GREB1: variants seen among roughly 807,000 people sequenced by gnomAD.
GREB1 encodes protein GREB1.
In GREB1, 106 loss-of-function variants were observed where a neutral mutation model predicts 200.7. The ratio of observed to expected loss-of-function variants is 0.53; its 90% CI spans 0.45 to 0.62. The LOEUF (loss-of-function observed/expected upper bound fraction) is 0.62, where lower values mean the gene tolerates loss of function less well. GREB1 is among the 20% of genes least tolerant of loss of function. GREB1 has a pLI of 0.00. For synonymous variants in GREB1, 1,132 were observed against 1,092.4 expected (o/e 1.04, Z -0.72); for missense variants, 2,243 against 2,556.8 (o/e 0.88, Z 2.65).
At chr2:11,565,436 C>A (rs1424931474) in intron 3 of GREB1, among the ~76,000 whole-genome samples, 1 of 152,168 alleles carries the variant, frequency 6.6e-6, no homozygotes, top group Non-Finnish European at 1.5e-5. Context: ...TCATGACCTC[C>A]TGTAGAGCTC....
intron 21 of GREB1, 84 bp downstream of exon 21, chr2:11,616,804 A>G (rs1021036197): frequency 6.3e-6 from 5 of 796,468 alleles, no homozygotes; most frequent in Admixed American, 4.0e-5. Flanking sequence ...ATAGAGGGCT[A>G]TTTGCTGATC....
Position 11,587,410 on chromosome 2 carries a change from A to G in GREB1, c.1160-1336A>G, listed in dbSNP as rs776449133. 3.7e-6 allele frequency: 6 copies of G among 1,613,900 alleles called. No homozygotes were observed. The East Asian group carries it at 1.3e-4, about 36-fold the overall frequency. The stretch of plus-strand genomic sequence containing the variant: ...TTGTAAATGGTGCTACCCAAATGGT[A>G]GCCCTTGGTCCGGCAGAACCTGCAT... On this transcript the variant is annotated intron_variant, in intron 9 of 32. Transcript: ENST00000381486.
At chr2:11,488,235 G>T (rs897460556) in intron 1 of GREB1, among the ~76,000 whole-genome samples, 1 of 152,086 alleles carries the variant, frequency 6.6e-6, no homozygotes. Flanking sequence ...GTGGTTTAAC[G>T]AGCCTCTCCA....
chr2:11,538,773 TTCCCG>T (rs752349707), intron 1 of GREB1, among the ~76,000 whole-genome samples: 5,104 of 33,410 alleles, frequency 0.15, 976 homozygotes, highest in Non-Finnish European at 0.18. Context: ...CCTTCCTTCC[TTCCCG>T]TCTTCCTTCC....
chr2:11,554,560 AGTTT>A (rs1676248307), intron 1 of GREB1, among the ~76,000 whole-genome samples: 1 of 152,184 alleles, frequency 6.6e-6, no homozygotes, highest in Non-Finnish European at 1.5e-5. Flanking sequence ...CGATGAAGCC[AGTTT>A]CATAACTGGT....
Position 11,514,886 on chromosome 2 carries a change from A to C in GREB1, c.-159+32505A>C, listed in dbSNP as rs1286636579. ...GTGCTTAGTGCTGTGCTTGGCACAG[A>C]GTGGGCACTTAAGAGCTATTAGTTG... is the stretch of plus-strand genomic sequence containing the variant. On this transcript the variant is annotated intron_variant, in intron 1 of 2. Coordinates refer to the GREB1 transcript ENST00000628795. 4.6e-5 allele frequency among the ~76,000 whole-genome samples: 7 copies of C among 152,232 alleles called. No homozygotes were observed. The East Asian group carries it at 1.2e-3, about 25-fold the overall frequency.
intron 1 of GREB1, among the ~76,000 whole-genome samples, chr2:11,496,194 A>G (rs571063199): frequency 1.4e-4 from 22 of 152,162 alleles, no homozygotes; most frequent in Admixed American, 5.2e-4. Context: ...CTCTGTGGAG[A>G]TCAGGCACCG....
At chr2:11,491,101 TG>T (rs906622528) in intron 1 of GREB1, among the ~76,000 whole-genome samples, 34 of 152,200 alleles carry the variant, frequency 2.2e-4, no homozygotes, top group Admixed American at 1.3e-4. Flanking sequence ...GGTCTCTCAC[TG>T]GGGCTCTGAT....
intron 2 of GREB1, among the ~76,000 whole-genome samples, chr2:11,558,741 G>A (rs183601361): frequency 2.5e-4 from 38 of 152,248 alleles, no homozygotes; most frequent in Non-Finnish European, 4.0e-4. Flanking sequence ...GCCACATCTC[G>A]TAGTGTCTGT....
In GREB1 at chr2:11,580,774, G is replaced by A. The variant is rs16857665; in HGVS notation, c.843G>A (p.Pro281=). 6,250 of 1,614,142 alleles carry A rather than the reference G, an allele frequency of 3.9e-3. 185 individuals are homozygous for A. In the African/African-American group the frequency reaches 0.071, roughly 18 times the overall value. ...GPAVFNGKDS[P]KCQQLAKNNL... ...CTGTTTTCAACGGCAAAGATTCCCC[G>A]AAGTGCCAACAACTGGCAAAGAATA... Residue 281 remains proline (P), a synonymous_variant, in exon 7 of 33, where the codon CCG becomes CCA. Transcript: ENST00000381486. The surrounding 1 kb of genome is among the most constrained non-coding windows in gnomAD (Gnocchi z 4.5).
intron 9 of GREB1, 105 bp from the exon 10 acceptor site, chr2:11,588,641 A>G (rs529734897): frequency 9.7e-7 from 1 of 1,032,650 alleles, no homozygotes; most frequent in Admixed American, 1.7e-5. Flanking sequence ...GACCTGGCGC[A>G]GCTCACCTAT....
Position 11,510,571 on chromosome 2 carries a change from G to T in GREB1, c.-159+28190G>T, listed in dbSNP as rs189417577. 3.0e-3 allele frequency among the ~76,000 whole-genome samples: 453 copies of T among 152,290 alleles called. 1 individual carries two copies. Among genetic ancestry groups the T allele is most frequent in the Admixed American group, 5.0e-3 (76 of 15,302 alleles). ...CTCACACAGGAAAGGTGGGAGGAAG[G>T]CTTGGTTCTTTTCCTTTATCCACCA... On this transcript the variant is annotated intron_variant, in intron 1 of 2. Transcript: ENST00000628795.
intron 4 of GREB1, among the ~76,000 whole-genome samples, chr2:11,574,212 G>T (rs751950416): frequency 1.3e-5 from 2 of 152,194 alleles, no homozygotes; most frequent in Non-Finnish European, 2.9e-5. Flanking sequence ...TGCCTGCCAC[G>T]TGTTGGGTAT....
intron 1 of GREB1, among the ~76,000 whole-genome samples, chr2:11,483,929 G>C (rs918647166): frequency 2.0e-5 from 3 of 152,156 alleles, no homozygotes; most frequent in Non-Finnish European, 4.4e-5. Flanking sequence ...TTCAGGGCTT[G>C]AAAGACTTTT....
intron 1 of GREB1, among the ~76,000 whole-genome samples, chr2:11,526,179 T>C (rs1428734695): frequency 6.6e-6 from 1 of 152,226 alleles, no homozygotes; most frequent in Non-Finnish European, 1.5e-5. Context: ...TTGTCCTTCG[T>C]TCTTCTGCAC....
chr2:11,617,863 C>T (rs906190787), intron 21 of GREB1, among the ~76,000 whole-genome samples: 69 of 152,150 alleles, frequency 4.5e-4, no homozygotes, highest in Non-Finnish European at 6.9e-4. Context: ...CTTCTTTTCC[C>T]CTCACCTCCT....
chr2:11,572,451 G>A (rs770803613), intron 4 of GREB1, among the ~76,000 whole-genome samples: 10 of 152,284 alleles, frequency 6.6e-5, no homozygotes, highest in Non-Finnish European at 1.2e-4. Context: ...GAGACCACTG[G>A]GTCTGAAGGA....
At chr2:11,617,633 A>G (rs1490820605) in intron 21 of GREB1, among the ~76,000 whole-genome samples, 2 of 152,246 alleles carry the variant, frequency 1.3e-5, no homozygotes, top group Admixed American at 1.3e-4. Flanking sequence ...TTGCAAGTGC[A>G]GGAAGCCTTA....
chr2:11,606,732 AATTG>A (rs1468144371), intron 17 of GREB1, among the ~76,000 whole-genome samples: 3 of 150,568 alleles, frequency 2.0e-5, no homozygotes, highest in East Asian at 1.9e-4. Context: ...TCTGCCTTTT[AATTG>A]ATTGCTATTT....
Sources: allele counts gnomAD v4.1 joint callset (sites outside exome capture counted in the v4.1 genomes callset), GRCh38; gene constraint gnomAD v4.1.1; non-coding constraint Gnocchi (gnomAD v3.1); transcripts MANE v1.5; gene names NCBI Gene and HGNC (gene_info 2026-07-23, HGNC 2026-07-21).